Variants in LRP1B observed in about 807,000 individuals in gnomAD.
LRP1B encodes low-density lipoprotein receptor-related protein 1B.
Under a neutral mutation model 556.6 loss-of-function variants are expected in LRP1B, and 217 were observed. The ratio of observed to expected loss-of-function variants is 0.39; its 90% CI spans 0.35 to 0.44. The LOEUF is 0.44. Ranked by LOEUF, LRP1B falls within the 20% of genes least tolerant of loss-of-function variation. LRP1B has a pLI of 1.00. For missense variants in LRP1B, 5,053 were observed against 5,620.8 expected, an observed-to-expected ratio of 0.90 and a Z score of 3.23; for synonymous variants, 2,047 against 1,865.8, an observed-to-expected ratio of 1.10 and a Z score of -2.50.
At chr2:141,711,358 G>A (rs1388545936) in intron 2 of LRP1B, among the ~76,000 whole-genome samples, 1 of 152,178 alleles carries the variant, frequency 6.6e-6, no homozygotes, top group African/African-American at 2.4e-5. Flanking sequence ...GAAATCTGTA[G>A]TTAGATTAGT....
At chr2:141,247,376 A>G in intron 4 of LRP1B, 22 bp from the exon 5 acceptor site, 2 of 1,611,546 alleles carry the variant, frequency 1.2e-6, no homozygotes, top group Non-Finnish European at 1.7e-6. Context: ...AATTGGCATC[A>G]TTTCTAAGCA....
At chr2:140,252,951 T>C (rs1681517326) in intron 86 of LRP1B, among the ~76,000 whole-genome samples, 1 of 152,094 alleles carries the variant, frequency 6.6e-6, no homozygotes, top group South Asian at 2.1e-4. Flanking sequence ...TACCATATAT[T>C]TCATTCATTT....
intron 2 of LRP1B, among the ~76,000 whole-genome samples, chr2:141,809,811 T>C (rs1426394676): frequency 1.3e-5 from 2 of 151,976 alleles, no homozygotes; most frequent in Non-Finnish European, 2.9e-5. Flanking sequence ...TTAATATAAA[T>C]AACATGGGAA....
At chr2:141,234,336 G>T (rs1216952250) in intron 5 of LRP1B, among the ~76,000 whole-genome samples, 2 of 151,964 alleles carry the variant, frequency 1.3e-5, no homozygotes, top group African/African-American at 4.8e-5. Context: ...GAAACAAAAT[G>T]CATGAAATCT....
intron 6 of LRP1B, among the ~76,000 whole-genome samples, chr2:141,190,401 C>G (rs180944878): frequency 1.3e-5 from 2 of 152,038 alleles, no homozygotes; most frequent in East Asian, 3.9e-4. Context: ...AATGCTGCAG[C>G]TTTAGAAGAG....
chr2:141,008,421 A>C (rs1697643574), intron 14 of LRP1B, among the ~76,000 whole-genome samples: 1 of 150,996 alleles, frequency 6.6e-6, no homozygotes, highest in African/African-American at 2.4e-5. Context: ...TAATCATTAT[A>C]ATTATTTATA....
chr2:141,691,595 A>G (rs2105446785), intron 2 of LRP1B, among the ~76,000 whole-genome samples: 1 of 151,648 alleles, frequency 6.6e-6, no homozygotes. Context: ...TGCGGGGGTC[A>G]ATTAATTTCT....
intron 10 of LRP1B, among the ~76,000 whole-genome samples, chr2:141,052,085 A>G (rs1699051507): frequency 6.6e-6 from 1 of 151,980 alleles, no homozygotes; most frequent in Non-Finnish European, 1.5e-5. Flanking sequence ...TGTTTTCATC[A>G]TTATAATAAT....
At chr2:140,330,029 G>C (rs1680713546) in intron 79 of LRP1B, among the ~76,000 whole-genome samples, 1 of 151,538 alleles carries the variant, frequency 6.6e-6, no homozygotes, top group Non-Finnish European at 1.5e-5. Context: ...GTGAAACCCT[G>C]TCTCTGCTAA....
intron 7 of LRP1B, among the ~76,000 whole-genome samples, chr2:141,084,959 A>G (rs1700016652): frequency 1.3e-5 from 2 of 152,068 alleles, no homozygotes; most frequent in Admixed American, 1.3e-4. Flanking sequence ...TCTCTTTCTT[A>G]AATAAAAGCT....
intron 7 of LRP1B, among the ~76,000 whole-genome samples, chr2:141,070,261 A>C (rs1699601197): frequency 6.6e-6 from 1 of 151,342 alleles, no homozygotes; most frequent in Non-Finnish European, 1.5e-5. Context: ...ACTACTGGGT[A>C]CATAACGAAA....
intron 1 of LRP1B, among the ~76,000 whole-genome samples, chr2:141,919,810 C>G (rs1700134395): frequency 6.6e-6 from 1 of 151,970 alleles, no homozygotes; most frequent in South Asian, 2.1e-4. Flanking sequence ...ATTTCTATCT[C>G]ATTTTACTGT....
intron 7 of LRP1B, among the ~76,000 whole-genome samples, chr2:141,160,681 AC>A (rs1406299563): frequency 6.6e-6 from 1 of 152,126 alleles, no homozygotes; most frequent in Non-Finnish European, 1.5e-5. Flanking sequence ...ATAAAACTAT[AC>A]TTATTAAATA....
chr2:140,317,816 T>C (rs1338609730), intron 82 of LRP1B, among the ~76,000 whole-genome samples: 1 of 152,118 alleles, frequency 6.6e-6, no homozygotes, highest in Non-Finnish European at 1.5e-5. Context: ...TGTTAGGGCA[T>C]GCGCGTTACT....
chr2:140,346,139 A>G (rs1392415864), intron 77 of LRP1B, among the ~76,000 whole-genome samples: 1 of 151,556 alleles, frequency 6.6e-6, no homozygotes, highest in Admixed American at 6.6e-5. Flanking sequence ...ATTCTATTCT[A>G]AAAACTCAGC....
intron 7 of LRP1B, among the ~76,000 whole-genome samples, chr2:141,121,024 T>C (rs1005705214): frequency 1.3e-5 from 2 of 152,052 alleles, no homozygotes; most frequent in Admixed American, 1.3e-4. Flanking sequence ...AAGCAATTTA[T>C]ATATTTTAGA....
rs1574110024 is a variant in LRP1B, at chr2:141,587,809, CAG to C, written c.206-107278_206-107277del. 2.0e-5 allele frequency among the ~76,000 whole-genome samples: 3 copies of C among 151,950 alleles called. No homozygotes were observed. In the East Asian group the frequency reaches 5.8e-4, roughly 29 times the overall value. On this transcript the variant is annotated intron_variant, in intron 2 of 90. Coordinates refer to ENST00000389484, the MANE Select transcript of LRP1B (RefSeq NM_018557.3). ...ACATGTATAACAAAACAAGAAAAAA[CAG>C]TGAAGAAAGAAGAAATAAAAAACAA...
chr2:140,900,286 A>G (rs780199196), intron 23 of LRP1B, among the ~76,000 whole-genome samples: 18 of 152,230 alleles, frequency 1.2e-4, no homozygotes, highest in Middle Eastern at 3.2e-3. Context: ...TGTATCCAAA[A>G]CAAACATCTG....
At chr2:141,622,148 C>T (rs1688527467) in intron 2 of LRP1B, among the ~76,000 whole-genome samples, 7 of 152,150 alleles carry the variant, frequency 4.6e-5, no homozygotes, top group Admixed American at 3.9e-4. Context: ...GCCTTGGCCT[C>T]CCAAAGTACT....
Sources: allele counts gnomAD v4.1 joint callset (sites outside exome capture counted in the v4.1 genomes callset), GRCh38; gene constraint gnomAD v4.1.1; transcripts MANE v1.5; gene names NCBI Gene and HGNC (gene_info 2026-07-23, HGNC 2026-07-21).